HK2: variants seen among roughly 807,000 people sequenced by gnomAD.
HK2 encodes hexokinase-2.
Under a neutral mutation model 92.9 loss-of-function variants are expected in HK2, and 42 were observed. The ratio of observed to expected loss-of-function variants is 0.45; its 90% CI spans 0.35 to 0.58. HK2 has a LOEUF of 0.58. HK2 is among the 20% of genes least tolerant of loss of function. The pLI is 0.00. For missense variants in HK2, 978 were observed against 1,245.1 expected (o/e 0.79, Z 3.23); for synonymous variants, 422 against 468.0 (o/e 0.90, Z 1.27).
chr2:74,879,035 G>A, intron 9 of HK2, 114 bp downstream of exon 9: 1 of 885,848 alleles, frequency 1.1e-6, no homozygotes, highest in Admixed American at 2.0e-5. Flanking sequence ...GGACCATAGA[G>A]CTGAGGGTCT....
chr2:74,841,689 C>T (rs945455964), intron 1 of HK2, among the ~76,000 whole-genome samples: 3 of 152,178 alleles, frequency 2.0e-5, no homozygotes, highest in Non-Finnish European at 4.4e-5. Flanking sequence ...TTCCAGGGAA[C>T]GGGAGCTAGT....
rs139069993 is a variant in HK2, at chr2:74,876,248, A to G, written c.876-918A>G. ...CTGGAGGCCTGGGTTTCCTCTCGGA[A>G]AGGTAACCTTGGAATCCCTTCCACA... On this transcript the variant is annotated intron_variant, in intron 7 of 17. Coordinates refer to ENST00000290573, the MANE Select transcript of HK2 (RefSeq NM_000189.5). Among the ~76,000 whole-genome samples, 438 of 152,192 alleles carry G rather than the reference A, an allele frequency of 2.9e-3. 1 individual carries two copies. The highest frequency in any genetic ancestry group is 7.9e-3 in the South Asian group (38 of 4,808).
intron 12 of HK2, among the ~76,000 whole-genome samples, chr2:74,883,161 T>C (rs4853068): frequency 0.6 from 91,131 of 151,992 alleles, 27,431 homozygotes; most frequent in Middle Eastern, 0.75. Flanking sequence ...CATGTAGGAG[T>C]GCACGTGCAC....
chr2:74,856,424 A>G (rs1401512734), intron 2 of HK2, among the ~76,000 whole-genome samples: 1 of 152,062 alleles, frequency 6.6e-6, no homozygotes, highest in Non-Finnish European at 1.5e-5. Context: ...GGGGCCTCTT[A>G]TCTCTTCCAT....
At chr2:74,840,879 A>C (rs1182430242) in intron 1 of HK2, among the ~76,000 whole-genome samples, 1 of 10,328 alleles carries the variant, frequency 9.7e-5, no homozygotes, top group African/African-American at 1.5e-4. Context: ...ACTCTGTCTC[A>C]AAAAAAAAAA....
rs531624588 is a variant in HK2, at chr2:74,854,149, G to A, written c.64-144G>A. 56 of 806,584 alleles carry A rather than the reference G, an allele frequency of 6.9e-5. No homozygotes were observed. The African/African-American group carries it at 9.4e-4, about 14-fold the overall frequency. The allele number at this position is 806,584 out of a possible 1,614,324, so 50.0% of individuals were successfully genotyped here. A position where few individuals can be genotyped will look rare whatever the true frequency, so the allele number is the denominator to read the frequency against. ...TTTAAGACAAAGTCCTGTCAAATCG[G>A]TTCCTACTAATGGTCTTTAATAATA... On this transcript the variant is annotated intron_variant, in intron 1 of 17. Transcript: ENST00000290573.
At chr2:74,869,866 C>T (rs1005359988) in intron 3 of HK2, among the ~76,000 whole-genome samples, 4 of 152,190 alleles carry the variant, frequency 2.6e-5, no homozygotes, top group African/African-American at 9.6e-5. Context: ...GCCAGTGGAA[C>T]TTCTTGCAGC....
intron 1 of HK2, among the ~76,000 whole-genome samples, chr2:74,842,313 A>G (rs571348326): frequency 6.6e-6 from 1 of 152,308 alleles, no homozygotes; most frequent in South Asian, 2.1e-4. Flanking sequence ...TTATATAACC[A>G]TTATGTTTTG....
rs184525009 is a variant in HK2, at chr2:74,891,700, A to G, written c.*759A>G. On this transcript the variant is annotated 3_prime_UTR_variant, in exon 18 of 18. Coordinates refer to ENST00000290573, the MANE Select transcript of HK2 (RefSeq NM_000189.5). ...GTTTGTTTTACAAATTTTTCCTGCAAAAGTGGAATCACTGTATTTTCATTT... is the reference window on the plus strand; with the variant it reads ...GTTTGTTTTACAAATTTTTCCTGCAGAAGTGGAATCACTGTATTTTCATTT... 6.6e-6 allele frequency: 1 copy of G among 152,522 alleles called. No homozygotes were observed. Among genetic ancestry groups the G allele is most frequent in the East Asian group, 1.9e-4 (1 of 5,190 alleles). 9.4% of individuals were successfully genotyped at this position (152,522 alleles called of 1,614,324 possible).
At chr2:74,879,921 G>A (rs4241264) in intron 9 of HK2, among the ~76,000 whole-genome samples, 1 of 152,036 alleles carries the variant, frequency 6.6e-6, no homozygotes, top group African/African-American at 2.4e-5. Flanking sequence ...GGCTGCTCCA[G>A]CAAAGAGGCT....
Position 74,889,269 on chromosome 2 carries a change from C to G in HK2, c.2400C>G (p.Val800=), listed in dbSNP as rs771036656. The change falls in exon 17 of 18, where the codon GTC becomes GTG. Residue 800 remains valine, a synonymous_variant. Transcript: ENST00000290573. ...IESDCLALLQ[V]RAILQHLGLE... ...GTGACTGCCTGGCCCTGCTGCAAGT[C>G]CGAGCCATCCTGCAACACTTAGGGC... 2 of 1,614,112 alleles carry G rather than the reference C, an allele frequency of 1.2e-6. No individual in the cohort carries two copies. The highest frequency in any genetic ancestry group is 3.3e-5 in the Admixed American group (2 of 60,022).
chr2:74,870,987 A>G (rs1689084286), intron 3 of HK2, among the ~76,000 whole-genome samples: 1 of 152,162 alleles, frequency 6.6e-6, no homozygotes, highest in African/African-American at 2.4e-5. Context: ...ACCATACCCT[A>G]GGCATCAGGA....
At chr2:74,882,525 G>A (rs1352381633) in intron 12 of HK2, among the ~76,000 whole-genome samples, 1 of 148,098 alleles carries the variant, frequency 6.8e-6, no homozygotes, top group African/African-American at 2.5e-5. Context: ...CACTTTGGGA[G>A]GCTGAGGCAG....
chr2:74,870,194 G>C (rs548529633), intron 3 of HK2, among the ~76,000 whole-genome samples: 1 of 151,934 alleles, frequency 6.6e-6, no homozygotes, highest in South Asian at 2.1e-4. Flanking sequence ...ATTTTTAGTA[G>C]AGACAGCTAA....
intron 2 of HK2, among the ~76,000 whole-genome samples, chr2:74,863,949 G>A (rs1004326974): frequency 1.3e-5 from 2 of 152,246 alleles, no homozygotes; most frequent in African/African-American, 4.8e-5. Context: ...TGAGTGACAA[G>A]GAAGAGCCAG....
In HK2 at chr2:74,877,179, A is replaced by C. The variant is rs1689253779; in HGVS notation, c.889A>C (p.Ile297Leu). The C allele has an allele frequency of 6.2e-7, 1 of 1,614,096 alleles. No individual in the cohort carries two copies. Among genetic ancestry groups the C allele is most frequent in the Non-Finnish European group, 8.5e-7 (1 of 1,180,034 alleles). Reference sequence around the variant, plus strand: ...GTCTTCCGGCAGGTTTGAGAAGATGATCAGTGGGATGTACATGGGGGAGCT... The same window carrying C: ...GTCTTCCGGCAGGTTTGAGAAGATGCTCAGTGGGATGTACATGGGGGAGCT... ...NPGKQLFEKM[I>L]SGMYMGELVR... Residue 297 changes from isoleucine to leucine, a missense_variant, in exon 8 of 18, where the codon ATC (isoleucine) becomes CTC (leucine). Physicochemically the swap from Ile to Leu is conservative, Grantham distance 5 (BLOSUM62 2). This residue lies in a region of HK2 where 742 missense variants were observed against 922.5 expected (regional missense o/e 0.80). Transcript: ENST00000290573.
At chr2:74,862,912 A>G (rs1688864124) in intron 2 of HK2, among the ~76,000 whole-genome samples, 1 of 152,222 alleles carries the variant, frequency 6.6e-6, no homozygotes, top group Non-Finnish European at 1.5e-5. Context: ...CTTTTAAAAC[A>G]GATGATGAAA....
At position 74,890,931 on chromosome 2, in the gene HK2, G is replaced by A; in HGVS notation, c.2744G>A (p.Gly915Glu). 3.1e-6 allele frequency: 5 copies of A among 1,614,190 alleles called. No homozygotes were observed. In the South Asian group the frequency reaches 5.5e-5, roughly 18 times the overall value. The stretch of plus-strand genomic sequence containing the variant: ...GTGGCCTGCCGCATCCGTGAGGCTG[G>A]ACAGCGATAGAACCCCTGAAATCGG... ...TAVACRIREA[G>E]QR Residue 915 changes from glycine (G) to glutamate (E), a missense_variant, in exon 18 of 18, where the codon GGA (glycine) becomes GAA (glutamate). This residue lies in a region of HK2 where 742 missense variants were observed against 922.5 expected (regional missense o/e 0.80). Transcript: ENST00000290573.
chr2:74,889,429 C>T lies in HK2; in HGVS notation c.2560C>T (p.Leu854Phe). Residue 854 changes from leucine (L) to phenylalanine (F), a missense_variant, in exon 17 of 18, where the codon CTC becomes TTC. Leu to Phe is a conservative substitution (Grantham distance 22). Coordinates refer to ENST00000290573, the MANE Select transcript of HK2 (RefSeq NM_000189.5). ...RIRENRGLDA[L>F]KVTVGVDGTL... The stretch of plus-strand genomic sequence containing the variant: ...ACGAGAAAACCGTGGGCTGGACGCT[C>T]TCAAAGTGACAGTGGGTGTGGATGG... 6.2e-7 allele frequency: 1 copy of T among 1,613,904 alleles called. No homozygotes were observed. Among genetic ancestry groups the T allele is most frequent in the Non-Finnish European group, 8.5e-7 (1 of 1,179,928 alleles).
Sources: allele counts gnomAD v4.1 joint callset (sites outside exome capture counted in the v4.1 genomes callset), GRCh38; gene constraint gnomAD v4.1.1; regional missense constraint gnomAD v4.1.1; transcripts MANE v1.5; gene names NCBI Gene and HGNC (gene_info 2026-07-23, HGNC 2026-07-21).